The following NFAT5 variants were observed in gnomAD, a reference collection of about 807,000 sequenced individuals.
NFAT5 encodes the protein nuclear factor of activated T-cells 5.
In NFAT5, 31 loss-of-function variants were observed where a neutral mutation model predicts 166.5. That is an observed-to-expected ratio of 0.19 (90% CI 0.14 to 0.25). The LOEUF (loss-of-function observed/expected upper bound fraction) is 0.25. NFAT5 is among the 10% of genes least tolerant of loss of function. The pLI is 1.00. For synonymous variants in NFAT5, 612 were observed against 639.7 expected (o/e 0.96, Z 0.65); for missense variants, 1,449 against 1,821.8 (o/e 0.80, Z 3.72).
chr16:69,602,350 A>G (rs2033174508), intron 2 of NFAT5, among the ~76,000 whole-genome samples: 2 of 150,860 alleles, frequency 1.3e-5, no homozygotes, highest in Admixed American at 6.6e-5. Flanking sequence ...GCTCACTGCA[A>G]CTGCCTCCTG....
chr16:69,681,134 G>A (rs1273086763), intron 10 of NFAT5, among the ~76,000 whole-genome samples: 1 of 152,148 alleles, frequency 6.6e-6, no homozygotes, highest in African/African-American at 2.4e-5. Flanking sequence ...GAGAGAATAT[G>A]ATTTCAGGAA....
chr16:69,581,802 T>C (rs1022255529), intron 2 of NFAT5, among the ~76,000 whole-genome samples: 2 of 152,206 alleles, frequency 1.3e-5, no homozygotes, highest in African/African-American at 4.8e-5. Context: ...TCTTAAAAAT[T>C]ATATATTTAT....
intron 5 of NFAT5, among the ~76,000 whole-genome samples, chr16:69,653,785 T>G (rs763668865): frequency 7.9e-5 from 12 of 152,096 alleles, no homozygotes; most frequent in Admixed American, 2.6e-4. Flanking sequence ...TTGGCGAGAC[T>G]GGTCTGGAAC....
intron 12 of NFAT5, 76 bp downstream of exon 12, chr16:69,691,164 T>G: frequency 7.6e-7 from 1 of 1,312,134 alleles, no homozygotes; most frequent in Non-Finnish European, 1.0e-6. Flanking sequence ...TTTTTAACAT[T>G]ATTTTTACTT....
intron 2 of NFAT5, among the ~76,000 whole-genome samples, chr16:69,581,206 A>G (rs1334465119): frequency 1.3e-5 from 2 of 152,052 alleles, no homozygotes; most frequent in Admixed American, 1.3e-4. Flanking sequence ...ACGCCAGGCT[A>G]ATTTTTTGTA....
intron 3 of NFAT5, among the ~76,000 whole-genome samples, chr16:69,629,934 T>A (rs927728180): frequency 1.6e-4 from 24 of 150,672 alleles, no homozygotes; most frequent in Non-Finnish European, 3.2e-4. Context: ...CACATGGACC[T>A]GGGTAATTTT....
At chr16:69,640,894 T>C (rs933601240) in intron 3 of NFAT5, among the ~76,000 whole-genome samples, 11 of 151,512 alleles carry the variant, frequency 7.3e-5, no homozygotes, top group Admixed American at 7.2e-4. Context: ...GGCAGAAGAA[T>C]CGCTTGACTC....
At chr16:69,643,044 C>T (rs919686723) in intron 3 of NFAT5, among the ~76,000 whole-genome samples, 3 of 151,632 alleles carry the variant, frequency 2.0e-5, no homozygotes, top group African/African-American at 7.3e-5. Context: ...ATGATGAAAT[C>T]CCATCTCTAC....
At position 69,641,798 on chromosome 16, in the gene NFAT5, G is replaced by A. The variant is rs187479773; in HGVS notation, c.254-5230G>A. The stretch of plus-strand genomic sequence containing the variant: ...TACATGGGTTTCTATAAATGGTATC[G>A]TTTAAAATCTTATTTCAGTCTGGGC... On this transcript the variant is annotated intron_variant, in intron 3 of 14. Transcript: ENST00000349945. Among the ~76,000 whole-genome samples, 189 of 152,100 alleles carry A rather than the reference G, an allele frequency of 1.2e-3. 1 individual carries two copies. The highest frequency in any genetic ancestry group is 0.011 in the Admixed American group (174 of 15,266).
chr16:69,640,043 T>A (rs1033811464), intron 3 of NFAT5, among the ~76,000 whole-genome samples: 1 of 152,230 alleles, frequency 6.6e-6, no homozygotes, highest in South Asian at 2.1e-4. Context: ...ATGTAAATGA[T>A]CAGCCCTACA....
chr16:69,626,958 C>T (rs976333880), intron 3 of NFAT5, among the ~76,000 whole-genome samples: 3 of 151,970 alleles, frequency 2.0e-5, no homozygotes, highest in South Asian at 4.1e-4. Flanking sequence ...ATATTCATAG[C>T]ATGTTACTGA....
At chr16:69,635,034 T>G (rs958566735) in intron 3 of NFAT5, among the ~76,000 whole-genome samples, 6 of 147,892 alleles carry the variant, frequency 4.1e-5, no homozygotes, top group Non-Finnish European at 9.0e-5. Flanking sequence ...TTTTTTTTTT[T>G]TTTTTTTTTT....
intron 7 of NFAT5, among the ~76,000 whole-genome samples, chr16:69,662,450 CTTTTTT>C (rs539200298): frequency 3.1e-5 from 3 of 96,996 alleles, no homozygotes; most frequent in African/African-American, 3.9e-5. Flanking sequence ...ACACCTCTTT[CTTTTTT>C]TTTTTTTTTT....
Position 69,571,085 on chromosome 16 carries a change from A to G in NFAT5, c.127+2537A>G, listed in dbSNP as rs908784816. 7.4e-5 allele frequency among the ~76,000 whole-genome samples: 10 copies of G among 134,324 alleles called. 1 individual carries two copies. Among genetic ancestry groups the G allele is most frequent in the Non-Finnish European group, 1.6e-4 (10 of 64,130 alleles). 88.1% of individuals were successfully genotyped at this position (134,324 alleles called of 152,430 possible). Reference sequence around the variant, plus strand: ...GGTGGGCATATCACTTGAGGTCAGGAGTTTGAGACCAGCCTGGCTAACATG... The same window carrying G: ...GGTGGGCATATCACTTGAGGTCAGGGGTTTGAGACCAGCCTGGCTAACATG... On this transcript the variant is annotated intron_variant, in intron 2 of 14. Transcript: ENST00000349945.
At chr16:69,663,911 A>C (rs776977224) in intron 7 of NFAT5, among the ~76,000 whole-genome samples, 1 of 152,162 alleles carries the variant, frequency 6.6e-6, no homozygotes, top group African/African-American at 2.4e-5. Context: ...AAAAATTTTC[A>C]TATCTACCCT....
At position 69,655,966 on chromosome 16, in the gene NFAT5, CTT is replaced by C. The variant is rs2035858921; in HGVS notation, c.1196+170_1196+171del. Among the ~76,000 whole-genome samples, 7 of 152,192 alleles carry C rather than the reference CTT, an allele frequency of 4.6e-5. 1 individual carries two copies. The South Asian group carries it at 1.5e-3, about 32-fold the overall frequency. On this transcript the variant is annotated intron_variant, in intron 6 of 14. Coordinates refer to ENST00000349945, the MANE Select transcript of NFAT5 (RefSeq NM_138713.4). Reference sequence around the variant, plus strand: ...GAATGGTAATGGGTTAAAATTAACTCTTTTACCATTTGCTAAAGAATTCCCAT... The same window carrying C: ...GAATGGTAATGGGTTAAAATTAACTCTTACCATTTGCTAAAGAATTCCCAT...
chr16:69,571,335 A>G (rs2016425705), intron 2 of NFAT5, among the ~76,000 whole-genome samples: 1 of 151,816 alleles, frequency 6.6e-6, no homozygotes, highest in African/African-American at 2.4e-5. Context: ...CAAACAAACA[A>G]AATAAGAACT....
rs182228484 is a variant in NFAT5 at position 69,610,426 on chromosome 16, A to C, written c.128-15977A>C. Among the ~76,000 whole-genome samples, 284 of 152,300 alleles carry C rather than the reference A, an allele frequency of 1.9e-3. 3 individuals are homozygous for C. Among genetic ancestry groups the C allele is most frequent in the African/African-American group, 6.4e-3 (267 of 41,562 alleles). On this transcript the variant is annotated intron_variant, in intron 2 of 14. Transcript: ENST00000349945. ...TTATGTTTTAGAATTGTTTGGGTAG[A>C]ATCACTTAAGGTAGATGATTTGCTT...
intron 3 of NFAT5, among the ~76,000 whole-genome samples, chr16:69,626,936 C>G (rs1380854007): frequency 6.6e-6 from 1 of 152,026 alleles, no homozygotes; most frequent in African/African-American, 2.4e-5. Context: ...CTGAAGCACT[C>G]AAGTGTCTTT....
Sources: gnomAD v4.1 joint callset for allele counts (sites outside exome capture counted in the v4.1 genomes callset) on GRCh38, gnomAD v4.1.1 for gene constraint, MANE v1.5 for transcripts, NCBI Gene and HGNC (gene_info 2026-07-23, HGNC 2026-07-21) for gene names.